DLG4: variants seen among roughly 807,000 people sequenced by gnomAD.
DLG4 encodes the protein discs large MAGUK scaffold protein 4, also known as disks large homolog 4.
A neutral mutation model predicts 93.8 loss-of-function variants in DLG4; 7 were observed. The observed-to-expected ratio is 0.07, with a 90% confidence interval of 0.04 to 0.14. The LOEUF (loss-of-function observed/expected upper bound fraction) is 0.14, where lower values mean the gene tolerates loss of function less well. Among genes scored for constraint, DLG4 ranks in the 10% least tolerant of loss-of-function variants. The pLI, the probability that DLG4 is intolerant of heterozygous loss-of-function variation, is 1.00. For synonymous variants in DLG4, 341 were observed against 387.6 expected (o/e 0.88, Z 1.41); for missense variants, 545 against 992.9 (o/e 0.55, Z 6.06).
rs1336744487 is a variant in DLG4 at position 7,195,018 on chromosome 17, C to CAAAAAAA, written c.1302-530_1302-524dup. Among the ~76,000 whole-genome samples the CAAAAAAA allele has an allele frequency of 2.8e-5, 2 of 72,278 alleles. No individual in the cohort carries two copies. Among genetic ancestry groups the CAAAAAAA allele is most frequent in the African/African-American group, 5.3e-5 (1 of 18,946 alleles). 47.4% of individuals were successfully genotyped at this position (72,278 alleles called of 152,430 possible). On this transcript the variant is annotated intron_variant, in intron 11 of 19. Transcript: ENST00000399506. This position sits in a 1 kb window ranked among gnomAD's most constrained non-coding sequence, Gnocchi z 4.3. Reference sequence around the variant, plus strand: ...TGGGCAACGGAGCGAGACACCGTCTCAAAAAAAAAAAAAAAGAAAAAGAAA... The same window carrying CAAAAAAA: ...TGGGCAACGGAGCGAGACACCGTCTCAAAAAAAAAAAAAAAAAAAAAAGAAAAAGAAA...
Position 7,194,295 on chromosome 17 carries a change from G to A in DLG4, c.1478+24C>T. On this transcript the variant is annotated intron_variant, in intron 12 of 19. Transcript: ENST00000399506. The surrounding 1 kb of genome is among the most constrained non-coding windows in gnomAD (Gnocchi z 4.4). ...GGAACTTCAGTGCCTGTGGCAGGAA[G>A]GCTACAGAGCCCAGGAGCCTCACCG... The A allele has an allele frequency of 6.3e-7, 1 of 1,590,102 alleles. No individual in the cohort carries two copies. The highest frequency in any genetic ancestry group is 1.3e-5 in the African/African-American group (1 of 74,432).
At chr17:7,219,457 G>T, upstream of DLG4, 1 of 1,029,134 alleles carries the variant, frequency 9.7e-7, no homozygotes, top group Non-Finnish European at 1.2e-6. Context: ...CATCTCAGAA[G>T]AATACACTTA....
intron 8 of DLG4, among the ~76,000 whole-genome samples, chr17:7,200,568 C>T (rs1028986904): frequency 2.7e-5 from 4 of 150,220 alleles, no homozygotes; most frequent in African/African-American, 9.8e-5. Flanking sequence ...TTTTTTGAGA[C>T]AGAGTTTCAC....
intron 19 of DLG4, 104 bp from the exon 20 acceptor site, chr17:7,190,918 T>C: frequency 7.4e-6 from 6 of 809,634 alleles, no homozygotes; most frequent in South Asian, 2.9e-5. Flanking sequence ...TTTCCAACTC[T>C]CCAAGCCATA....
At chr17:7,192,078 G>GGAC (rs2069531366) in intron 17 of DLG4, 76 bp from the exon 18 acceptor site, 2 of 805,746 alleles carry the variant, frequency 2.5e-6, no homozygotes, top group Admixed American at 3.1e-5. Context: ...GGAGGGACAC[G>GGAC]GACGGGGAGA....
Position 7,216,141 on chromosome 17 carries a change from C to T in DLG4, c.30+977G>A, listed in dbSNP as rs143971575. 9.9e-5 allele frequency among the ~76,000 whole-genome samples: 15 copies of T among 152,022 alleles called. No homozygotes were observed. The East Asian group carries it at 2.5e-3, about 26-fold the overall frequency. On this transcript the variant is annotated intron_variant, in intron 1 of 19. Transcript: ENST00000399506. ...TTCACCCCAGTAACCTCAGTAACTT[C>T]GGTCATAAGCCCTCAGGGACCCTTA...
chr17:7,196,433 C>T lies in DLG4; in HGVS notation c.1186+40G>A, dbSNP rs2069787596. The T allele has an allele frequency of 6.2e-7, 1 of 1,611,154 alleles. No individual in the cohort carries two copies. The highest frequency in any genetic ancestry group is 8.5e-7 in the Non-Finnish European group (1 of 1,177,294). On this transcript the variant is annotated intron_variant, in intron 10 of 19. Coordinates refer to ENST00000399506, the MANE Select transcript of DLG4 (RefSeq NM_001321075.3). The surrounding 1 kb of genome is among the most constrained non-coding windows in gnomAD (Gnocchi z 8.3). The stretch of plus-strand genomic sequence containing the variant: ...ATCAGCTGAGGAAGAGTTCTAAGGG[C>T]CATTTCAGCTCACAAGACAAGGAAC...
chr17:7,204,977 G>T, intron 2 of DLG4: 3 of 985,720 alleles, frequency 3.0e-6, no homozygotes, highest in Non-Finnish European at 3.6e-6. Flanking sequence ...GGACAACAGG[G>T]GGGTGGGGCG....
In DLG4 at chr17:7,196,173, C is replaced by G; in HGVS notation, c.1301+47G>C. Reference sequence around the variant, plus strand: ...GAGGCCCGGGCCAGGCACAGAGTGCCCAGGAACGCAGAGGGGCTGAGGAGT... The same window carrying G: ...GAGGCCCGGGCCAGGCACAGAGTGCGCAGGAACGCAGAGGGGCTGAGGAGT... On this transcript the variant is annotated intron_variant, in intron 11 of 19. Coordinates refer to ENST00000399506, the MANE Select transcript of DLG4 (RefSeq NM_001321075.3). This position sits in a 1 kb window ranked among gnomAD's most constrained non-coding sequence, Gnocchi z 8.3. The G allele has an allele frequency of 6.8e-7, 1 of 1,474,054 alleles. No homozygotes were observed. Among genetic ancestry groups the G allele is most frequent in the Non-Finnish European group, 9.4e-7 (1 of 1,065,772 alleles). 91.3% of individuals were successfully genotyped at this position (1,474,054 alleles called of 1,614,324 possible).
At chr17:7,212,342 C>A (rs2070744964) in intron 1 of DLG4, among the ~76,000 whole-genome samples, 1 of 152,222 alleles carries the variant, frequency 6.6e-6, no homozygotes, top group African/African-American at 2.4e-5. Flanking sequence ...AACCACAGAG[C>A]CTTGTTGGCC....
At position 7,194,518 on chromosome 17, in the gene DLG4, T is replaced by A. The variant is rs1008963119; in HGVS notation, c.1302-23A>T. 3.2e-6 allele frequency: 5 copies of A among 1,586,346 alleles called. No individual in the cohort carries two copies. Among genetic ancestry groups the A allele is most frequent in the Non-Finnish European group, 3.4e-6 (4 of 1,166,748 alleles). ...GCCCTGGAGGGCAAGTGGCTATCGG[T>A]CAGAGCCCAGCTGAGGACTCCAGGA... On this transcript the variant is annotated intron_variant, in intron 11 of 19. Coordinates refer to ENST00000399506, the MANE Select transcript of DLG4 (RefSeq NM_001321075.3). The surrounding 1 kb of genome is among the most constrained non-coding windows in gnomAD (Gnocchi z 4.4).
chr17:7,197,874 G>A (rs1484724687), intron 8 of DLG4, among the ~76,000 whole-genome samples: 3 of 152,156 alleles, frequency 2.0e-5, no homozygotes, highest in African/African-American at 7.2e-5. Context: ...CTGTAAACTG[G>A]CAGTTCATTC....
chr17:7,217,330 G>A lies in DLG4; in HGVS notation c.-183C>T. On this transcript the variant is annotated 5_prime_UTR_variant, in exon 1 of 20. Transcript: ENST00000399506. ...AGAAGGGAAGGGGAGGGGAGCGTGG[G>A]AGGGAGGGGAAGGGGGCCCTAAAAG... The A allele has an allele frequency of 1.9e-6, 1 of 516,390 alleles. No homozygotes were observed. Among genetic ancestry groups the A allele is most frequent in the Non-Finnish European group, 2.7e-6 (1 of 364,162 alleles). 32.0% of individuals were successfully genotyped at this position (516,390 alleles called of 1,614,324 possible).
chr17:7,218,466 T>C (rs2521985), upstream of DLG4: 944,063 of 1,458,246 alleles, frequency 0.65, 307,608 homozygotes, highest in African/African-American at 0.8. Flanking sequence ...AAATGATCTC[T>C]GGGCTCCCAA....
chr17:7,198,398 G>A (rs894245586), intron 8 of DLG4, among the ~76,000 whole-genome samples: 16 of 150,898 alleles, frequency 1.1e-4, no homozygotes, highest in Admixed American at 3.3e-4. Flanking sequence ...CAGGAGAATT[G>A]CTTGAACCCA....
chr17:7,199,050 A>G (rs1356033040), intron 8 of DLG4, among the ~76,000 whole-genome samples: 1 of 151,846 alleles, frequency 6.6e-6, no homozygotes, highest in Non-Finnish European at 1.5e-5. Flanking sequence ...AAAACAAAAA[A>G]ACAGCCCTAT....
chr17:7,210,669 C>G (rs980692815), intron 1 of DLG4, among the ~76,000 whole-genome samples: 1 of 152,220 alleles, frequency 6.6e-6, no homozygotes, highest in African/African-American at 2.4e-5. Flanking sequence ...CCGCTATCCA[C>G]TCTTCCTTCA....
Position 7,217,206 on chromosome 17 carries a change from C to T in DLG4, c.-59G>A, listed in dbSNP as rs757028100. 9.5e-6 allele frequency: 12 copies of T among 1,263,786 alleles called. No homozygotes were observed. The highest frequency in any genetic ancestry group is 1.2e-5 in the Non-Finnish European group (12 of 997,768). 78.3% of individuals were successfully genotyped at this position (1,263,786 alleles called of 1,614,324 possible). ...GCTCTGACTTCATCGGAGTTTCGTT[C>T]CTCCCCTCCGTGGGTTCTCACCCCT... is the stretch of plus-strand genomic sequence containing the variant. On this transcript the variant is annotated 5_prime_UTR_variant, in exon 1 of 20. Transcript: ENST00000399506.
chr17:7,190,637 G>A lies in DLG4; in HGVS notation c.*71C>T, dbSNP rs906808498. The A allele has an allele frequency of 4.0e-6, 5 of 1,259,822 alleles. No homozygotes were observed. Among genetic ancestry groups the A allele is most frequent in the South Asian group, 1.2e-5 (1 of 83,796 alleles). The allele number at this position is 1,259,822 out of a possible 1,614,324, so 78.0% of individuals were successfully genotyped here. A position where few individuals can be genotyped will look rare whatever the true frequency, so the allele number is the denominator to read the frequency against. The stretch of plus-strand genomic sequence containing the variant: ...GGAGGCCGGGGGGAGCCAAGGGCTT[G>A]GGCAATTCAGTCCAGACCAAGGGCC... On this transcript the variant is annotated 3_prime_UTR_variant, in exon 20 of 20. Transcript: ENST00000399506.
Sources: allele counts gnomAD v4.1 joint callset (sites outside exome capture counted in the v4.1 genomes callset), GRCh38; gene constraint gnomAD v4.1.1; non-coding constraint Gnocchi (gnomAD v3.1); transcripts MANE v1.5; gene names NCBI Gene and HGNC (gene_info 2026-07-23, HGNC 2026-07-21).